The following WDR35 variants were observed in gnomAD, a reference collection of about 807,000 sequenced individuals.
WDR35 encodes the protein WD repeat-containing protein 35.
A neutral mutation model predicts 158.3 loss-of-function variants in WDR35; 118 were observed. That is an observed-to-expected ratio of 0.75 (90% CI 0.64 to 0.87). The LOEUF is 0.87. WDR35 is among the 40% of genes least tolerant of loss of function. WDR35 has a pLI of 0.00. For missense variants in WDR35, 1,263 were observed against 1,405.8 expected (o/e 0.90, Z 1.62); for synonymous variants, 448 against 476.1 (o/e 0.94, Z 0.77).
intron 2 of WDR35, 146 bp from the exon 3 acceptor site, chr2:19,982,680 G>T (rs1672422853): frequency 3.6e-6 from 3 of 840,350 alleles, no homozygotes; most frequent in Non-Finnish European, 5.5e-6. Flanking sequence ...GTATAAACAT[G>T]AACAATAACA....
chr2:19,935,241 CTG>C (rs1670655241), intron 21 of WDR35: 1 of 375,808 alleles, frequency 2.7e-6, no homozygotes, highest in Admixed American at 4.3e-5. Flanking sequence ...CTACACAAGA[CTG>C]TGATCATATT....
At chr2:19,975,393 A>T (rs1313537758) in intron 6 of WDR35, 137 bp downstream of exon 6, 8 of 1,153,500 alleles carry the variant, frequency 6.9e-6, no homozygotes, top group Non-Finnish European at 8.1e-6. Context: ...GACGATTGGG[A>T]AAAAGAAAAA....
intron 9 of WDR35, 124 bp from the exon 10 acceptor site, chr2:19,967,033 G>T: frequency 1.1e-6 from 1 of 875,830 alleles, no homozygotes; most frequent in South Asian, 1.5e-5. Context: ...TATCACTGCT[G>T]ACAAAATATA....
rs907078980 is a variant in WDR35 at position 19,973,987 on chromosome 2, G to T, written c.737-279C>A. Among the ~76,000 whole-genome samples the T allele has an allele frequency of 3.3e-5, 5 of 151,972 alleles. No homozygotes were observed. In the South Asian group the frequency reaches 6.2e-4, roughly 19 times the overall value. ...GCTGGAGGAGTTGGTGCACACCTGTGGTCCCAGCTCCTCAGGAGGCTGAGA... is the reference window on the plus strand; with the variant it reads ...GCTGGAGGAGTTGGTGCACACCTGTTGTCCCAGCTCCTCAGGAGGCTGAGA... On this transcript the variant is annotated intron_variant, in intron 7 of 26. Coordinates refer to ENST00000281405, the MANE Select transcript of WDR35 (RefSeq NM_020779.4).
At position 19,979,930 on chromosome 2, in the gene WDR35, C is replaced by T. The variant is rs531377691; in HGVS notation, c.307+761G>A. 1.4e-4 allele frequency among the ~76,000 whole-genome samples: 21 copies of T among 152,204 alleles called. 1 individual carries two copies. The highest frequency in any genetic ancestry group is 8.3e-4 in the South Asian group (4 of 4,824). On this transcript the variant is annotated intron_variant, in intron 4 of 26. Transcript: ENST00000281405. Reference sequence around the variant, plus strand: ...GCACACATGAACTAAGGCACCCTTCCCTTTTGAAGATGATAACTACAGGCC... The same window carrying T: ...GCACACATGAACTAAGGCACCCTTCTCTTTTGAAGATGATAACTACAGGCC...
chr2:19,936,466 G>A (rs1670701050), intron 19 of WDR35, 101 bp from the exon 20 acceptor site: 3 of 1,540,380 alleles, frequency 1.9e-6, no homozygotes, highest in East Asian at 2.3e-5. Flanking sequence ...AGGCTACACA[G>A]CAGTGGACAA....
intron 25 of WDR35, among the ~76,000 whole-genome samples, chr2:19,919,697 A>G (rs938795383): frequency 1.3e-5 from 2 of 152,186 alleles, no homozygotes; most frequent in African/African-American, 4.8e-5. Context: ...GAGCAAACAA[A>G]TTCAAAAGCT....
intron 21 of WDR35, 37 bp from the exon 22 acceptor site, chr2:19,933,548 C>T: frequency 1.9e-6 from 3 of 1,543,700 alleles, no homozygotes; most frequent in South Asian, 1.1e-5. Flanking sequence ...ATTTCACAGA[C>T]CAAGGAAATT....
At chr2:19,967,716 GTTT>G (rs1465301437) in intron 9 of WDR35, among the ~76,000 whole-genome samples, 2 of 151,910 alleles carry the variant, frequency 1.3e-5, no homozygotes, top group Non-Finnish European at 2.9e-5. Context: ...TCTAAAATAA[GTTT>G]TTTTACTTTA....
intron 11 of WDR35, among the ~76,000 whole-genome samples, chr2:19,955,287 T>C (rs1207520242): frequency 6.6e-6 from 1 of 152,228 alleles, no homozygotes; most frequent in East Asian, 1.9e-4. Flanking sequence ...AAAAGAAAAA[T>C]CTCCCAAGTC....
At chr2:19,923,543 T>C (rs1670252147) in intron 25 of WDR35, among the ~76,000 whole-genome samples, 1 of 152,186 alleles carries the variant, frequency 6.6e-6, no homozygotes, top group African/African-American at 2.4e-5. Flanking sequence ...GCTAAAGCGG[T>C]AAAGGAGAGA....
At chr2:19,989,959 C>A (rs371869988) in intron 1 of WDR35, 33 bp downstream of exon 1, 100 of 1,612,668 alleles carry the variant, frequency 6.2e-5, no homozygotes, top group Admixed American at 1.2e-4. Context: ...GCGGGAATGG[C>A]GGAGAAACGA....
chr2:19,921,419 C>T (rs190468388), intron 25 of WDR35, among the ~76,000 whole-genome samples: 39 of 152,146 alleles, frequency 2.6e-4, no homozygotes, highest in African/African-American at 8.4e-4. Flanking sequence ...TCAGAAACAA[C>T]GCCAAACATC....
At position 19,913,634 on chromosome 2, in the gene WDR35, A is replaced by G. The variant is rs746593832; in HGVS notation, c.3437T>C (p.Val1146Ala). The G allele has an allele frequency of 3.1e-6, 5 of 1,614,020 alleles. No individual in the cohort carries two copies. The highest frequency in any genetic ancestry group is 3.4e-6 in the Non-Finnish European group (4 of 1,180,002). The stretch of plus-strand genomic sequence containing the variant: ...CTGAGCAAGGACACCGTGTTTGCAT[A>G]CACTGCACATCCAGAATTGATACTC... The part of the protein sequence containing the change: ...ITEYQFWMCS[V>A]CKHGVLAQEI... Residue 1146 changes from valine to alanine, a missense_variant, in exon 27 of 27, where the codon GTA becomes GCA. By Grantham distance (64) the Val-to-Ala change is moderately conservative. Transcript: ENST00000281405.
At chr2:19,952,330 A>AATC (rs1304710351) in intron 12 of WDR35, among the ~76,000 whole-genome samples, 1 of 152,210 alleles carries the variant, frequency 6.6e-6, no homozygotes, top group African/African-American at 2.4e-5. Context: ...AGATTTATGA[A>AATC]AGTGTCTGGC....
chr2:19,978,459 TA>T (rs1672278560), intron 5 of WDR35, among the ~76,000 whole-genome samples: 2 of 152,052 alleles, frequency 1.3e-5, no homozygotes, highest in African/African-American at 2.4e-5. Flanking sequence ...CTAACCAATA[TA>T]AAAAGAAATT....
intron 4 of WDR35, 79 bp from the exon 5 acceptor site, chr2:19,978,958 A>G (rs1166061631): frequency 6.4e-7 from 1 of 1,573,234 alleles, no homozygotes; most frequent in Non-Finnish European, 8.7e-7. Context: ...AAAGCATTCC[A>G]TAAAGTACGC....
intron 17 of WDR35, among the ~76,000 whole-genome samples, chr2:19,941,511 T>G (rs1260364156): frequency 6.6e-6 from 1 of 152,212 alleles, no homozygotes; most frequent in Admixed American, 6.5e-5. Context: ...ATAAGTAGTA[T>G]TATTATCTGT....
chr2:19,976,032 A>G (rs1460572748), intron 5 of WDR35, among the ~76,000 whole-genome samples: 1 of 152,154 alleles, frequency 6.6e-6, no homozygotes, highest in African/African-American at 2.4e-5. Context: ...TTGCCCACTA[A>G]TACAAAAGAA....
Sources: gnomAD v4.1 joint callset for allele counts (sites outside exome capture counted in the v4.1 genomes callset) on GRCh38, gnomAD v4.1.1 for gene constraint, MANE v1.5 for transcripts, NCBI Gene and HGNC (gene_info 2026-07-23, HGNC 2026-07-21) for gene names.